Variants in ADAMTS17 observed in about 807,000 individuals in gnomAD.
ADAMTS17 encodes the protein ADAM metallopeptidase with thrombospondin type 1 motif 17, also known as A disintegrin and metalloproteinase with thrombospondin motifs 17.
In ADAMTS17, 113 loss-of-function variants were observed where a neutral mutation model predicts 141.5. The ratio of observed to expected loss-of-function variants is 0.80; its 90% confidence interval spans 0.69 to 0.93. The LOEUF is 0.93. Among genes scored for constraint, ADAMTS17 ranks in the 40% least tolerant of loss-of-function variants. The probability of loss-of-function intolerance (pLI) is 0.00; values close to 1 mark genes in which losing one functional copy is unlikely to be tolerated. For synonymous variants in ADAMTS17, 768 were observed against 630.6 expected, an observed-to-expected ratio of 1.22 and a Z score of -3.27; for missense variants, 1,659 against 1,517.9, an observed-to-expected ratio of 1.09 and a Z score of -1.54.
chr15:100,289,558 A>G (rs1378485127), intron 3 of ADAMTS17, among the ~76,000 whole-genome samples: 2 of 151,772 alleles, frequency 1.3e-5, no homozygotes, highest in African/African-American at 4.8e-5. Context: ...TCACACACAC[A>G]CACACACACA....
intron 4 of ADAMTS17, among the ~76,000 whole-genome samples, chr15:100,274,930 A>G (rs548903102): frequency 4.7e-4 from 71 of 152,202 alleles, no homozygotes; most frequent in Non-Finnish European, 6.6e-4. Context: ...TAAAGTTATA[A>G]CACTCTAATC....
At chr15:100,106,231 C>G (rs1176371474) in intron 14 of ADAMTS17, among the ~76,000 whole-genome samples, 1 of 152,138 alleles carries the variant, frequency 6.6e-6, no homozygotes, top group African/African-American at 2.4e-5. Context: ...GGGCCTTCAC[C>G]AGAACCCATC....
intron 7 of ADAMTS17, among the ~76,000 whole-genome samples, chr15:100,253,652 G>C (rs1465482222): frequency 6.6e-6 from 1 of 152,112 alleles, no homozygotes. Context: ...TAAAAAGCAA[G>C]TAGCCTGGCA....
Position 99,997,105 on chromosome 15 carries a change from G to A in ADAMTS17, c.2796+280C>T, listed in dbSNP as rs1275504997. ...CAAAGGAGAATTAAAAAGTCGGTCA[G>A]TATCTGTCTATCCTATCTTGATGTG... is the stretch of plus-strand genomic sequence containing the variant. On this transcript the variant is annotated intron_variant, in intron 19 of 21. Coordinates refer to ENST00000268070, the MANE Select transcript of ADAMTS17 (RefSeq NM_139057.4). The surrounding 1 kb of genome is among the most constrained non-coding windows in gnomAD (Gnocchi z 4.7). Among the ~76,000 whole-genome samples, 1 of 152,218 alleles carries A rather than the reference G, an allele frequency of 6.6e-6. No homozygotes were observed. The highest frequency in any genetic ancestry group is 1.5e-5 in the Non-Finnish European group (1 of 68,042).
chr15:100,325,315 G>C (rs1481535905), intron 3 of ADAMTS17, among the ~76,000 whole-genome samples: 1 of 152,218 alleles, frequency 6.6e-6, no homozygotes, highest in Non-Finnish European at 1.5e-5. Flanking sequence ...TTAGAATGTG[G>C]TTGCATTTGC....
At chr15:100,088,437 A>C (rs1301334907) in intron 15 of ADAMTS17, among the ~76,000 whole-genome samples, 2 of 152,174 alleles carry the variant, frequency 1.3e-5, no homozygotes, top group Non-Finnish European at 2.9e-5. Context: ...AGATTCAATG[A>C]CATCTCCATC....
intron 7 of ADAMTS17, among the ~76,000 whole-genome samples, chr15:100,222,133 C>T (rs1262696008): frequency 1.3e-5 from 2 of 152,200 alleles, no homozygotes; most frequent in Admixed American, 6.5e-5. Flanking sequence ...CAATTTGCAA[C>T]GTGACTATTT....
At chr15:99,983,553 T>C (rs528411850) in intron 20 of ADAMTS17, among the ~76,000 whole-genome samples, 2 of 152,128 alleles carry the variant, frequency 1.3e-5, no homozygotes, top group Non-Finnish European at 2.9e-5. Flanking sequence ...ACAGGATGTT[T>C]TGAGAATTAG....
intron 18 of ADAMTS17, among the ~76,000 whole-genome samples, chr15:100,008,215 G>C (rs1281313267): frequency 6.6e-6 from 1 of 152,086 alleles, no homozygotes. Flanking sequence ...TTGGAAACCA[G>C]GCCTGCCCAG....
At chr15:100,199,177 A>G in intron 8 of ADAMTS17, 141 bp downstream of exon 8, 1 of 775,936 alleles carries the variant, frequency 1.3e-6, no homozygotes, top group Non-Finnish European at 2.3e-6. Flanking sequence ...TTTGGACCCT[A>G]GTGTACTGAC....
At chr15:100,132,925 T>C (rs959869220) in intron 11 of ADAMTS17, among the ~76,000 whole-genome samples, 3 of 152,240 alleles carry the variant, frequency 2.0e-5, no homozygotes, top group African/African-American at 7.2e-5. Context: ...GTTTTTCCAT[T>C]TGAAATATAC....
intron 2 of ADAMTS17, 124 bp downstream of exon 2, chr15:100,340,915 G>A: frequency 7.1e-7 from 1 of 1,406,258 alleles, no homozygotes; most frequent in Non-Finnish European, 9.6e-7. Flanking sequence ...AAAGGCAGGG[G>A]GTTCCCTCCG....
intron 3 of ADAMTS17, chr15:100,306,498 G>C (rs1260870490): frequency 6.6e-6 from 3 of 455,896 alleles, no homozygotes; most frequent in Admixed American, 2.4e-5. Flanking sequence ...CTCCAGGCCA[G>C]ACACATGAAT....
chr15:100,258,159 G>A (rs140046330), intron 6 of ADAMTS17, among the ~76,000 whole-genome samples: 1 of 152,210 alleles, frequency 6.6e-6, no homozygotes, highest in East Asian at 1.9e-4. Flanking sequence ...TGGCTGTCAT[G>A]AATAATGTTG....
At chr15:100,196,120 G>A (rs2141616548) in intron 8 of ADAMTS17, among the ~76,000 whole-genome samples, 1 of 152,326 alleles carries the variant, frequency 6.6e-6, no homozygotes, top group South Asian at 2.1e-4. Context: ...TGAAGCAGCA[G>A]TATTGACATT....
intron 3 of ADAMTS17, among the ~76,000 whole-genome samples, chr15:100,317,540 A>G (rs754045705): frequency 6.6e-6 from 1 of 152,080 alleles, no homozygotes; most frequent in Admixed American, 6.5e-5. Flanking sequence ...ATCCCTCCAG[A>G]TGAGCCGGTG....
chr15:100,287,246 T>C (rs1044097191), intron 3 of ADAMTS17, among the ~76,000 whole-genome samples: 2 of 152,084 alleles, frequency 1.3e-5, no homozygotes, highest in African/African-American at 4.8e-5. Context: ...AATTTCATAA[T>C]GCAATCGCAA....
At chr15:100,050,462 G>A (rs1226448245) in intron 17 of ADAMTS17, among the ~76,000 whole-genome samples, 1 of 152,180 alleles carries the variant, frequency 6.6e-6, no homozygotes. Context: ...GAGGATGCAG[G>A]GCTGATGGTG....
At chr15:100,174,812 C>T (rs1028185492) in intron 8 of ADAMTS17, among the ~76,000 whole-genome samples, 8 of 152,082 alleles carry the variant, frequency 5.3e-5, no homozygotes, top group African/African-American at 1.9e-4. Context: ...ATTGCATGAA[C>T]GACAGTAGAT....
Sources: gnomAD v4.1 joint callset for allele counts (sites outside exome capture counted in the v4.1 genomes callset) on GRCh38, gnomAD v4.1.1 for gene constraint, Gnocchi (gnomAD v3.1) non-coding constraint, MANE v1.5 for transcripts, NCBI Gene and HGNC (gene_info 2026-07-23, HGNC 2026-07-21) for gene names.